CMAS: variants seen among roughly 807,000 people sequenced by gnomAD.
CMAS encodes cytidine monophosphate N-acetylneuraminic acid synthetase.
CMAS carries 21 observed loss-of-function variants against 53.4 expected under a neutral mutation model. The ratio of observed to expected loss-of-function variants is 0.39; its 90% CI spans 0.28 to 0.57. CMAS has a LOEUF of 0.57. CMAS is among the 20% of genes least tolerant of loss of function. CMAS has a pLI of 0.56. For missense variants in CMAS, 384 were observed against 534.9 expected (o/e 0.72, Z 2.78); for synonymous variants, 189 against 195.2 (o/e 0.97, Z 0.27).
At chr12:22,060,069 G>A (rs528560381) in intron 4 of CMAS, among the ~76,000 whole-genome samples, 178 of 151,944 alleles carry the variant, frequency 1.2e-3, no homozygotes, top group African/African-American at 4.1e-3. Flanking sequence ...TTCCTCCCCT[G>A]TGTTGCCTGT....
chr12:22,046,248 T>G lies in CMAS; in HGVS notation c.-56T>G. 7.3e-7 allele frequency: 1 copy of G among 1,377,174 alleles called. No individual in the cohort carries two copies. The highest frequency in any genetic ancestry group is 9.4e-7 in the Non-Finnish European group (1 of 1,061,606). The allele number at this position is 1,377,174 out of a possible 1,614,324, so 85.3% of individuals were successfully genotyped here. A position where few individuals can be genotyped will look rare whatever the true frequency, so the allele number is the denominator to read the frequency against. The stretch of plus-strand genomic sequence containing the variant: ...GGGATCGGGCGGCGCCGAGCTGAGG[T>G]GGTGAGGGACTAGCTCCCGGATGTG... On this transcript the variant is annotated 5_prime_UTR_variant, in exon 1 of 8. Coordinates refer to ENST00000229329, the MANE Select transcript of CMAS (RefSeq NM_018686.6).
chr12:22,062,499 A>AGAAAT (rs1950315360), intron 7 of CMAS, 65 bp downstream of exon 7: 1 of 1,516,686 alleles, frequency 6.6e-7, no homozygotes, highest in Non-Finnish European at 9.1e-7. Flanking sequence ...TTATTTTTAA[A>AGAAAT]GAAATGACAA....
chr12:22,052,796 G>A (rs1025126184), intron 1 of CMAS, among the ~76,000 whole-genome samples: 4 of 152,114 alleles, frequency 2.6e-5, no homozygotes, highest in African/African-American at 7.2e-5. Flanking sequence ...TAGATATCAC[G>A]GGATTCTTGA....
At chr12:22,056,665 A>G (rs1480389544) in intron 3 of CMAS, among the ~76,000 whole-genome samples, 1 of 152,152 alleles carries the variant, frequency 6.6e-6, no homozygotes, top group Non-Finnish European at 1.5e-5. Context: ...CCCACCCAGT[A>G]CACTCAGCCA....
chr12:22,059,627 G>T (rs139016855), intron 4 of CMAS, among the ~76,000 whole-genome samples: 2,131 of 152,240 alleles, frequency 0.014, 23 homozygotes, highest in Non-Finnish European at 0.021. Flanking sequence ...CTGAGCAAAA[G>T]AGAGAAAAAC....
At position 22,046,616 on chromosome 12, in the gene CMAS, A is replaced by G. The variant is rs1484420903; in HGVS notation, c.260+53A>G. The G allele has an allele frequency of 3.4e-6, 5 of 1,457,080 alleles. No individual in the cohort carries two copies. In the Admixed American group the frequency reaches 1.3e-4, roughly 38 times the overall value. 90.3% of individuals were successfully genotyped at this position (1,457,080 alleles called of 1,614,324 possible). ...GGCCTGGGCGGGGGTCGGGAGAGGGAGTCGGGCTGCTGGAGGGGCTGGGGC... is the reference window on the plus strand; with the variant it reads ...GGCCTGGGCGGGGGTCGGGAGAGGGGGTCGGGCTGCTGGAGGGGCTGGGGC... On this transcript the variant is annotated intron_variant, in intron 1 of 7. Transcript: ENST00000229329.
chr12:22,057,549 G>A (rs1326006685), intron 3 of CMAS, among the ~76,000 whole-genome samples: 4 of 151,976 alleles, frequency 2.6e-5, no homozygotes, highest in African/African-American at 9.7e-5. Context: ...ATAAAAACAA[G>A]TTCTCAACCA....
intron 7 of CMAS, 144 bp from the exon 8 acceptor site, chr12:22,064,977 A>G (rs1348076383): frequency 1.9e-6 from 1 of 531,394 alleles, no homozygotes; most frequent in Non-Finnish European, 3.3e-6. Flanking sequence ...TTTTTGTTCC[A>G]TCTAATCTTT....
In CMAS at chr12:22,055,190, CCAAA is replaced by C; in HGVS notation, c.306_309del (p.Lys102AsnfsTer21). 7 of 1,613,200 alleles carry C rather than the reference CCAAA, an allele frequency of 4.3e-6. No individual in the cohort carries two copies. The highest frequency in any genetic ancestry group is 5.9e-6 in the Non-Finnish European group (7 of 1,179,436). On this transcript the variant is annotated frameshift_variant, in exon 2 of 8. Transcript: ENST00000229329. LOFTEE classifies it high-confidence loss of function. The stretch of plus-strand genomic sequence containing the variant: ...GACCATGATGAAATTGAGAATGTGG[CCAAA>C]CAATTTGGTGCACAAGTTCATCGAA...
At chr12:22,053,006 C>T (rs1054693608) in intron 1 of CMAS, among the ~76,000 whole-genome samples, 1 of 152,114 alleles carries the variant, frequency 6.6e-6, no homozygotes, top group South Asian at 2.1e-4. Context: ...GACAAACATG[C>T]AGTTCAGCCG....
In CMAS at chr12:22,055,169, A is replaced by T; in HGVS notation, c.281A>T (p.His94Leu). Residue 94 changes from histidine to leucine, a missense_variant, in exon 2 of 8, where the codon CAT becomes CTT. This residue lies in a region of CMAS where 111 missense variants were observed against 132.2 expected (regional missense o/e 0.84). Coordinates refer to ENST00000229329, the MANE Select transcript of CMAS (RefSeq NM_018686.6). ...AACAGTGTATGGGTTTCGACAGACC[A>T]TGATGAAATTGAGAATGTGGCCAAA... ...AFQSVWVSTD[H>L]DEIENVAKQF... 1 of 1,613,412 alleles carries T rather than the reference A, an allele frequency of 6.2e-7. No homozygotes were observed. The highest frequency in any genetic ancestry group is 8.5e-7 in the Non-Finnish European group (1 of 1,179,692).
intron 2 of CMAS, 56 bp from the exon 3 acceptor site, chr12:22,055,399 T>TG: frequency 6.6e-7 from 1 of 1,507,074 alleles, no homozygotes; most frequent in South Asian, 1.3e-5. Context: ...TAATATTACT[T>TG]GCTTGCAAGG....
At chr12:22,054,804 T>C (rs1950257267) in intron 1 of CMAS, among the ~76,000 whole-genome samples, 1 of 152,102 alleles carries the variant, frequency 6.6e-6, no homozygotes, top group African/African-American at 2.4e-5. Context: ...AGGGGTTCGG[T>C]GTACAGATTA....
chr12:22,054,181 CT>C (rs1950254077), intron 1 of CMAS, among the ~76,000 whole-genome samples: 1 of 152,044 alleles, frequency 6.6e-6, no homozygotes, highest in Non-Finnish European at 1.5e-5. Flanking sequence ...CCCGCCTCGG[CT>C]TCCCAAAGTG....
intron 1 of CMAS, among the ~76,000 whole-genome samples, chr12:22,051,263 G>A (rs908270554): frequency 2.0e-5 from 3 of 152,138 alleles, no homozygotes; most frequent in African/African-American, 7.2e-5. Context: ...TTTTGTAAGA[G>A]CTTAATTTTC....
At chr12:22,052,517 C>T (rs970775148) in intron 1 of CMAS, among the ~76,000 whole-genome samples, 6 of 152,060 alleles carry the variant, frequency 3.9e-5, no homozygotes, top group African/African-American at 1.4e-4. Context: ...AAGTAAATGG[C>T]TTCAGCAATT....
chr12:22,059,625 AAG>A (rs1176190806), intron 4 of CMAS, among the ~76,000 whole-genome samples: 4 of 152,200 alleles, frequency 2.6e-5, no homozygotes, highest in African/African-American at 4.8e-5. Flanking sequence ...TTCTGAGCAA[AAG>A]AGAGAAAAAC....
intron 1 of CMAS, among the ~76,000 whole-genome samples, chr12:22,048,698 C>T (rs371931379): frequency 1.2e-4 from 19 of 152,346 alleles, no homozygotes; most frequent in African/African-American, 4.6e-4. Flanking sequence ...CCCCAGAACC[C>T]TGTCTCAGTG....
At chr12:22,058,223 G>A (rs1950281777) in intron 3 of CMAS, among the ~76,000 whole-genome samples, 1 of 151,144 alleles carries the variant, frequency 6.6e-6, no homozygotes, top group Admixed American at 6.6e-5. Flanking sequence ...TCAGGAGTTC[G>A]AGACCAGCCC....
Sources: gnomAD v4.1 joint callset for allele counts (sites outside exome capture counted in the v4.1 genomes callset) on GRCh38, gnomAD v4.1.1 for gene constraint, gnomAD v4.1.1 regional missense constraint, MANE v1.5 for transcripts, NCBI Gene and HGNC (gene_info 2026-07-23, HGNC 2026-07-21) for gene names.